The following ST6GALNAC3 variants were observed in gnomAD, a reference collection of about 807,000 sequenced individuals.
The protein encoded by ST6GALNAC3 is ST6 N-acetylgalactosaminide alpha-2,6-sialyltransferase 3.
In ST6GALNAC3, 25 loss-of-function variants were observed where a neutral mutation model predicts 32.7. The observed-to-expected ratio is 0.76, with a 90% CI of 0.56 to 1.07. ST6GALNAC3 has a LOEUF of 1.07. Among genes scored for constraint, ST6GALNAC3 ranks in the 50% least tolerant of loss-of-function variants. The pLI is 0.00. For synonymous variants in ST6GALNAC3, 129 were observed against 133.1 expected, an observed-to-expected ratio of 0.97 and a Z score of 0.21; for missense variants, 355 against 382.4, an observed-to-expected ratio of 0.93 and a Z score of 0.60.
In ST6GALNAC3 at chr1:76,252,551, C is replaced by CT. The variant is rs958641145; in HGVS notation, c.19-61244dup. Among the ~76,000 whole-genome samples the CT allele has an allele frequency of 3.7e-3, 555 of 149,050 alleles. 2 individuals are homozygous for CT. The highest frequency in any genetic ancestry group is 0.014 in the Middle Eastern group (4 of 294). ...CCAGTTCCCTTGAGGATGGCCCCCC[C>CT]TTTTTTTTTTAAATTTCTTGGGCTG... On this transcript the variant is annotated intron_variant, in intron 1 of 4. Transcript: ENST00000328299.
intron 3 of ST6GALNAC3, among the ~76,000 whole-genome samples, chr1:76,430,676 A>G (rs1336391517): frequency 6.6e-6 from 1 of 152,142 alleles, no homozygotes; most frequent in East Asian, 1.9e-4. Context: ...TGTACAGGCT[A>G]GTTTGGCTGC....
chr1:76,231,514 C>T (rs927202390), intron 1 of ST6GALNAC3, among the ~76,000 whole-genome samples: 14 of 152,236 alleles, frequency 9.2e-5, no homozygotes, highest in African/African-American at 3.1e-4. Flanking sequence ...CCTGCCATTC[C>T]CTCACAATTA....
intron 3 of ST6GALNAC3, among the ~76,000 whole-genome samples, chr1:76,484,186 G>C (rs2101666438): frequency 6.6e-6 from 1 of 152,308 alleles, no homozygotes; most frequent in Middle Eastern, 3.4e-3. Flanking sequence ...TTTGGCTTAG[G>C]ATTGACTTGG....
chr1:76,399,721 T>C (rs926095608), intron 2 of ST6GALNAC3, among the ~76,000 whole-genome samples: 1 of 152,230 alleles, frequency 6.6e-6, no homozygotes, highest in Non-Finnish European at 1.5e-5. Flanking sequence ...GTATATGTTA[T>C]GTCTCTCCAA....
intron 2 of ST6GALNAC3, among the ~76,000 whole-genome samples, chr1:76,366,862 G>A (rs1423169306): frequency 1.3e-5 from 2 of 152,278 alleles, no homozygotes; most frequent in South Asian, 2.1e-4. Flanking sequence ...ATTAAATCTC[G>A]ATTCTATAAA....
chr1:76,115,395 A>G (rs1215870658), intron 1 of ST6GALNAC3, among the ~76,000 whole-genome samples: 1 of 152,186 alleles, frequency 6.6e-6, no homozygotes. Flanking sequence ...AAGGGAAAGA[A>G]TTTAAATTTA....
chr1:76,439,507 A>C (rs1288711483), intron 3 of ST6GALNAC3, among the ~76,000 whole-genome samples: 1 of 152,256 alleles, frequency 6.6e-6, no homozygotes, highest in African/African-American at 2.4e-5. Flanking sequence ...ATGTGCTTTA[A>C]CAAAAGTATA....
intron 3 of ST6GALNAC3, among the ~76,000 whole-genome samples, chr1:76,562,044 A>T (rs1008091634): frequency 5.9e-5 from 9 of 152,204 alleles, no homozygotes; most frequent in Non-Finnish European, 1.0e-4. Context: ...CAGAATAGGC[A>T]CATCTATGGA....
chr1:76,507,078 C>G (rs553821343), intron 3 of ST6GALNAC3, among the ~76,000 whole-genome samples: 1 of 152,178 alleles, frequency 6.6e-6, no homozygotes, highest in African/African-American at 2.4e-5. Flanking sequence ...CTGACTAGTC[C>G]AGAGCTATAT....
chr1:76,385,220 G>A (rs6593533), intron 2 of ST6GALNAC3, among the ~76,000 whole-genome samples: 46,076 of 151,890 alleles, frequency 0.3, 8,411 homozygotes, highest in Middle Eastern at 0.42. Context: ...GAAATTTGGG[G>A]GGTTCAAATT....
intron 1 of ST6GALNAC3, among the ~76,000 whole-genome samples, chr1:76,153,611 C>T (rs1262717537): frequency 6.6e-6 from 1 of 152,184 alleles, no homozygotes; most frequent in Non-Finnish European, 1.5e-5. Flanking sequence ...AAGGGACTTA[C>T]TCCTTACTCC....
At chr1:76,529,635 C>T (rs1663129466) in intron 3 of ST6GALNAC3, among the ~76,000 whole-genome samples, 1 of 152,132 alleles carries the variant, frequency 6.6e-6, no homozygotes, top group Non-Finnish European at 1.5e-5. Context: ...AATATGTATG[C>T]AACTTTGAGT....
chr1:76,604,152 A>C (rs1045472157), intron 3 of ST6GALNAC3, among the ~76,000 whole-genome samples: 2 of 152,174 alleles, frequency 1.3e-5, no homozygotes, highest in Non-Finnish European at 2.9e-5. Flanking sequence ...TTTAATAGGT[A>C]AGAAGTACTT....
rs182814577 is a variant in ST6GALNAC3, at chr1:76,343,810, C to T, written c.213+29811C>T. ...ATAGCATGTTAATGCCACAGAATAG[C>T]AGGATTCCCTTCCATTATATGATAA... is the stretch of plus-strand genomic sequence containing the variant. On this transcript the variant is annotated intron_variant, in intron 2 of 4. Coordinates refer to ENST00000328299, the MANE Select transcript of ST6GALNAC3 (RefSeq NM_152996.4). 9.7e-4 allele frequency among the ~76,000 whole-genome samples: 147 copies of T among 152,262 alleles called. No individual in the cohort carries two copies. The Middle Eastern group carries it at 0.01, about 11-fold the overall frequency.
At chr1:76,124,942 G>A (rs535741305) in intron 1 of ST6GALNAC3, among the ~76,000 whole-genome samples, 1 of 152,236 alleles carries the variant, frequency 6.6e-6, no homozygotes, top group Admixed American at 6.5e-5. Context: ...ATTAAAAAAT[G>A]CAAAATATCC....
intron 3 of ST6GALNAC3, among the ~76,000 whole-genome samples, chr1:76,497,791 C>G (rs1352596803): frequency 1.3e-5 from 2 of 152,154 alleles, no homozygotes; most frequent in Admixed American, 1.3e-4. Context: ...CTCTCAACGG[C>G]TGAAGACTGA....
At chr1:76,432,771 C>T (rs1655858680) in intron 3 of ST6GALNAC3, among the ~76,000 whole-genome samples, 1 of 152,044 alleles carries the variant, frequency 6.6e-6, no homozygotes, top group Non-Finnish European at 1.5e-5. Context: ...TTTGTATTCT[C>T]TTATAATGTT....
intron 1 of ST6GALNAC3, among the ~76,000 whole-genome samples, chr1:76,151,477 G>T (rs924849498): frequency 2.0e-5 from 3 of 150,694 alleles, no homozygotes; most frequent in African/African-American, 7.5e-5. Context: ...GGATTCCAGT[G>T]TACATAGTTT....
Position 76,151,876 on chromosome 1 carries a change from A to G in ST6GALNAC3, c.18+76992A>G, listed in dbSNP as rs560181651. 8.5e-5 allele frequency among the ~76,000 whole-genome samples: 13 copies of G among 152,352 alleles called. No individual in the cohort carries two copies. The South Asian group carries it at 2.5e-3, about 29-fold the overall frequency. ...TCTACAGAGGATGAATCTGGAATTC[A>G]GAAAGATGATGGAGGCCCACTGTGG... On this transcript the variant is annotated intron_variant, in intron 1 of 4. Coordinates refer to ENST00000328299, the MANE Select transcript of ST6GALNAC3 (RefSeq NM_152996.4).
Sources: allele counts gnomAD v4.1 joint callset (sites outside exome capture counted in the v4.1 genomes callset), GRCh38; gene constraint gnomAD v4.1.1; transcripts MANE v1.5; gene names NCBI Gene and HGNC (gene_info 2026-07-23, HGNC 2026-07-21).